The following PDE9A variants were observed in gnomAD, a reference collection of about 807,000 sequenced individuals.
PDE9A encodes phosphodiesterase 9A, also known as high affinity cGMP-specific 3',5'-cyclic phosphodiesterase 9A.
Under a neutral mutation model 87.4 loss-of-function variants are expected in PDE9A, and 60 were observed. That is an observed-to-expected ratio of 0.69 (90% CI 0.56 to 0.85). PDE9A has a LOEUF of 0.85. Among genes scored for constraint, PDE9A ranks in the 40% least tolerant of loss-of-function variants. The pLI, the probability that PDE9A is intolerant of heterozygous loss-of-function variation, is 0.00. For missense variants in PDE9A, 665 were observed against 779.0 expected (o/e 0.85, Z 1.74); for synonymous variants, 272 against 279.4 (o/e 0.97, Z 0.27).
At chr21:42,738,227 T>G (rs1174545611) in intron 7 of PDE9A, among the ~76,000 whole-genome samples, 1 of 152,192 alleles carries the variant, frequency 6.6e-6, no homozygotes, top group Non-Finnish European at 1.5e-5. Flanking sequence ...GGGCAAAGTT[T>G]AACACAGGCC....
intron 10 of PDE9A, 122 bp downstream of exon 10, chr21:42,754,186 G>GA (rs11411040): frequency 0.55 from 270,018 of 494,080 alleles, 45,172 homozygotes; most frequent in East Asian, 0.61. Context: ...TTTAAAGACT[G>GA]AAAAAAAAAA....
chr21:42,765,235 C>A (rs2056283012), intron 14 of PDE9A, 146 bp from the exon 15 acceptor site: 4 of 566,090 alleles, frequency 7.1e-6, no homozygotes, highest in Non-Finnish European at 1.3e-5. Context: ...GATGTGTGGA[C>A]AAATGGATGG....
At chr21:42,721,728 A>G (rs192697666) in intron 4 of PDE9A, among the ~76,000 whole-genome samples, 2 of 152,250 alleles carry the variant, frequency 1.3e-5, no homozygotes, top group African/African-American at 2.4e-5. Context: ...GAAGAGAGAC[A>G]GTGCCACCCC....
rs374559478 is a variant in PDE9A, at chr21:42,772,581, A to G, written c.1768+61A>G. 4.8e-5 allele frequency: 57 copies of G among 1,183,654 alleles called. No homozygotes were observed. In the African/African-American group the frequency reaches 7.4e-4, roughly 15 times the overall value. The allele number at this position is 1,183,654 out of a possible 1,614,324, so 73.3% of individuals were successfully genotyped here. On this transcript the variant is annotated intron_variant, in intron 19 of 19. Coordinates refer to ENST00000291539, the MANE Select transcript of PDE9A (RefSeq NM_002606.3). Reference sequence around the variant, plus strand: ...ATACAATGATTCTGACAAAGGACAGAAGGAAAGAGGAAGGGGAGAAAATCT... The same window carrying G: ...ATACAATGATTCTGACAAAGGACAGGAGGAAAGAGGAAGGGGAGAAAATCT...
intron 4 of PDE9A, among the ~76,000 whole-genome samples, chr21:42,710,700 T>C (rs1213026802): frequency 6.6e-6 from 1 of 152,184 alleles, no homozygotes; most frequent in East Asian, 1.9e-4. Flanking sequence ...AACAATACTT[T>C]GCTCAGGCCA....
At position 42,760,381 on chromosome 21, in the gene PDE9A, C is replaced by T. The variant is rs2055581745; in HGVS notation, c.951C>T (p.Cys317=). 6.2e-7 allele frequency: 1 copy of T among 1,610,038 alleles called. No homozygotes were observed. The highest frequency in any genetic ancestry group is 8.5e-7 in the Non-Finnish European group (1 of 1,179,454). ...RNNPFHNFRH[C]FCVAQMMYSM... ...ACCCCTTCCACAACTTCCGGCACTG[C>T]TTCTGCGTGGCCCAGATGATGTACA... The change falls in exon 12 of 20, where the codon TGC becomes TGT. Residue 317 remains cysteine, a synonymous_variant. Coordinates refer to ENST00000291539, the MANE Select transcript of PDE9A (RefSeq NM_002606.3). The surrounding 1 kb of genome is among the most constrained non-coding windows in gnomAD (Gnocchi z 5.2).
intron 4 of PDE9A, among the ~76,000 whole-genome samples, chr21:42,699,554 CT>C (rs200609471): frequency 8.2e-4 from 62 of 75,354 alleles, no homozygotes; most frequent in South Asian, 4.5e-3. Flanking sequence ...TTTTCTTTTT[CT>C]TTTTTTTTTT....
At position 42,719,005 on chromosome 21, in the gene PDE9A, T is replaced by G. The variant is rs1330500893; in HGVS notation, c.263-12765T>G. Reference sequence around the variant, plus strand: ...TTGGGGTAGATCTCTAGACTGACCCTTCTGTGGTTTTAGTAGGAAGCCTGA... The same window carrying G: ...TTGGGGTAGATCTCTAGACTGACCCGTCTGTGGTTTTAGTAGGAAGCCTGA... On this transcript the variant is annotated intron_variant, in intron 4 of 19. Coordinates refer to ENST00000291539, the MANE Select transcript of PDE9A (RefSeq NM_002606.3). Among the ~76,000 whole-genome samples, 10 of 151,602 alleles carry G rather than the reference T, an allele frequency of 6.6e-5. 1 individual carries two copies. The highest frequency in any genetic ancestry group is 5.9e-4 in the Admixed American group (9 of 15,216).
intron 1 of PDE9A, among the ~76,000 whole-genome samples, chr21:42,665,808 TG>T (rs550281245): frequency 5.9e-4 from 90 of 152,312 alleles, no homozygotes; most frequent in African/African-American, 2.1e-3. Flanking sequence ...TAATGAACAA[TG>T]GATGCATGCA....
intron 1 of PDE9A, among the ~76,000 whole-genome samples, chr21:42,662,294 C>T (rs1167568057): frequency 6.6e-6 from 1 of 152,008 alleles, no homozygotes; most frequent in African/African-American, 2.4e-5. Context: ...CGTGTCCGGG[C>T]GTGCGTGAAG....
chr21:42,732,329 G>T (rs1344682622), intron 6 of PDE9A, among the ~76,000 whole-genome samples: 1 of 152,240 alleles, frequency 6.6e-6, no homozygotes, highest in Non-Finnish European at 1.5e-5. Flanking sequence ...GCTCACCTTA[G>T]ACCAAAGACC....
intron 1 of PDE9A, among the ~76,000 whole-genome samples, chr21:42,670,639 AC>A (rs1293297053): frequency 6.6e-6 from 1 of 151,896 alleles, no homozygotes; most frequent in Non-Finnish European, 1.5e-5. Flanking sequence ...ACATACACTT[AC>A]AAACTATCAT....
At chr21:42,663,002 A>G (rs529524011) in intron 1 of PDE9A, among the ~76,000 whole-genome samples, 3 of 147,270 alleles carry the variant, frequency 2.0e-5, no homozygotes, top group South Asian at 4.4e-4. Context: ...CACCACACAC[A>G]CGCACACCAC....
intron 1 of PDE9A, among the ~76,000 whole-genome samples, chr21:42,682,203 G>A (rs59068774): frequency 0.12 from 17,750 of 152,332 alleles, 1,068 homozygotes; most frequent in Middle Eastern, 0.17. Flanking sequence ...GAACTGGTAA[G>A]AAGGTACGAC....
At chr21:42,726,624 A>ATATATATATATATTTTTTTT in intron 4 of PDE9A, among the ~76,000 whole-genome samples, 4 of 19,776 alleles carry the variant, frequency 2.0e-4, no homozygotes, top group African/African-American at 6.8e-4. Context: ...ATATATATAT[A>ATATATATATATATTTTTTTT]TTTTTTTTTT....
At chr21:42,670,345 TTTACACACAC>T (rs1569117786) in intron 1 of PDE9A, among the ~76,000 whole-genome samples, 2 of 100,542 alleles carry the variant, frequency 2.0e-5, no homozygotes, top group South Asian at 2.8e-4. Flanking sequence ...TTCACATACA[TTTACACACAC>T]ATCCACACAC....
At chr21:42,691,443 G>A (rs963626212) in intron 3 of PDE9A, among the ~76,000 whole-genome samples, 11 of 143,372 alleles carry the variant, frequency 7.7e-5, no homozygotes, top group South Asian at 6.8e-4. Flanking sequence ...CCCCATCATC[G>A]TCACCATCCT....
At chr21:42,745,182 C>T (rs919645349) in intron 8 of PDE9A, among the ~76,000 whole-genome samples, 3 of 152,172 alleles carry the variant, frequency 2.0e-5, no homozygotes, top group African/African-American at 7.2e-5. Flanking sequence ...GAAGGGAAAG[C>T]CGACGGGCCT....
rs149967105 is a variant in PDE9A, at chr21:42,719,648, A to T, written c.263-12122A>T. ...GAGTGAGAGTCTGTCTCAAAAAAAA[A>T]AAAAAAAAAAAAAGAAATATTCCTT... On this transcript the variant is annotated intron_variant, in intron 4 of 19. Transcript: ENST00000291539. Among the ~76,000 whole-genome samples the T allele has an allele frequency of 6.6e-3, 956 of 144,804 alleles. 12 individuals are homozygous for T. Among genetic ancestry groups the T allele is most frequent in the African/African-American group, 0.016 (651 of 40,538 alleles). The allele number at this position is 144,804 out of a possible 152,430, so 95.0% of individuals were successfully genotyped here. A position where few individuals can be genotyped will look rare whatever the true frequency, so the allele number is the denominator to read the frequency against.
Sources: allele counts gnomAD v4.1 joint callset (sites outside exome capture counted in the v4.1 genomes callset), GRCh38; gene constraint gnomAD v4.1.1; non-coding constraint Gnocchi (gnomAD v3.1); transcripts MANE v1.5; gene names NCBI Gene and HGNC (gene_info 2026-07-23, HGNC 2026-07-21).